The following ASIC2 variants were observed in gnomAD, a reference collection of about 807,000 sequenced individuals.
ASIC2 encodes acid sensing ion channel subunit 2.
ASIC2 carries 25 observed loss-of-function variants against 57.3 expected under a neutral mutation model. That is an observed-to-expected ratio of 0.44 (90% CI 0.32 to 0.61). ASIC2 has a LOEUF of 0.61. ASIC2 is among the 20% of genes least tolerant of loss of function. The pLI is 0.06. For missense variants in ASIC2, 641 were observed against 738.1 expected (o/e 0.87, Z 1.52); for synonymous variants, 319 against 307.5 (o/e 1.04, Z -0.39).
chr17:33,167,368 CA>C (rs1905343512), intron 1 of ASIC2, among the ~76,000 whole-genome samples: 1 of 152,212 alleles, frequency 6.6e-6, no homozygotes, highest in Non-Finnish European at 1.5e-5. Flanking sequence ...CCTGCCCCTA[CA>C]GTGACTTCCA....
At chr17:33,897,635 T>G (rs1915127612) in intron 1 of ASIC2, among the ~76,000 whole-genome samples, 1 of 152,252 alleles carries the variant, frequency 6.6e-6, no homozygotes, top group Non-Finnish European at 1.5e-5. Flanking sequence ...TGTACCCATG[T>G]GCTTCATTTC....
rs190287898 is a variant in ASIC2 at position 33,643,752 on chromosome 17, A to T, written c.555+512226T>A. On this transcript the variant is annotated intron_variant, in intron 1 of 9. Transcript: ENST00000359872. Reference sequence around the variant, plus strand: ...TAAAACACTGAACAGAGCTCCTGTCATTCAGAGCTGTTGTCAACAAGAGAG... The same window carrying T: ...TAAAACACTGAACAGAGCTCCTGTCTTTCAGAGCTGTTGTCAACAAGAGAG... 6.7e-4 allele frequency among the ~76,000 whole-genome samples: 102 copies of T among 152,348 alleles called. 1 individual carries two copies. The highest frequency in any genetic ancestry group is 1.2e-3 in the Non-Finnish European group (83 of 68,032).
chr17:33,298,188 C>T (rs1905800391), upstream of ASIC2, among the ~76,000 whole-genome samples: 1 of 151,942 alleles, frequency 6.6e-6, no homozygotes, highest in Non-Finnish European at 1.5e-5. Flanking sequence ...CATACGTATA[C>T]ATGTGCCATG....
At chr17:34,046,601 C>A (rs1308379029) in intron 1 of ASIC2, among the ~76,000 whole-genome samples, 1 of 152,162 alleles carries the variant, frequency 6.6e-6, no homozygotes, top group Non-Finnish European at 1.5e-5. Context: ...CAACTTATTT[C>A]CATGCTGCCC....
chr17:33,338,490 T>A (rs1336957416), intron 1 of ASIC2, among the ~76,000 whole-genome samples: 1 of 151,910 alleles, frequency 6.6e-6, no homozygotes, highest in Non-Finnish European at 1.5e-5. Context: ...GAGGAGAAGG[T>A]AATTCCAGGC....
rs116108071 is a variant in ASIC2 at position 33,139,768 on chromosome 17, C to T, written c.709-27701G>A. On this transcript the variant is annotated intron_variant, in intron 1 of 9. Coordinates refer to ENST00000225823, the MANE Select transcript of ASIC2 (RefSeq NM_183377.2). ...GCCTTGAAGAGTACCTGTATACTTCCCCTCCCTTCTTTCCCCGGAGAGACA... is the reference window on the plus strand; with the variant it reads ...GCCTTGAAGAGTACCTGTATACTTCTCCTCCCTTCTTTCCCCGGAGAGACA... Among the ~76,000 whole-genome samples the T allele has an allele frequency of 4.1e-3, 629 of 152,276 alleles. 2 individuals are homozygous for T. Among genetic ancestry groups the T allele is most frequent in the African/African-American group, 0.015 (614 of 41,548 alleles).
chr17:33,414,283 C>T (rs1910761996), intron 1 of ASIC2, among the ~76,000 whole-genome samples: 1 of 152,024 alleles, frequency 6.6e-6, no homozygotes, highest in East Asian at 1.9e-4. Flanking sequence ...GGCGAGGAGG[C>T]TGGAGGGAGC....
At chr17:33,180,875 G>A (rs1230591114) in intron 1 of ASIC2, among the ~76,000 whole-genome samples, 1 of 152,096 alleles carries the variant, frequency 6.6e-6, no homozygotes, top group Non-Finnish European at 1.5e-5. Context: ...GCCCTACCAA[G>A]CAAGTCTGGT....
At chr17:33,432,391 A>G (rs924311779) in intron 1 of ASIC2, among the ~76,000 whole-genome samples, 5 of 152,088 alleles carry the variant, frequency 3.3e-5, no homozygotes, top group East Asian at 1.9e-4. Flanking sequence ...TGGCATATAC[A>G]TGTAGTCCCA....
At position 33,870,982 on chromosome 17, in the gene ASIC2, AC is replaced by A. The variant is rs529596927; in HGVS notation, c.555+284995del. Among the ~76,000 whole-genome samples the A allele has an allele frequency of 3.0e-3, 454 of 151,870 alleles. 9 individuals carry two copies. The highest frequency in any genetic ancestry group is 0.01 in the African/African-American group (427 of 41,366). On this transcript the variant is annotated intron_variant, in intron 1 of 9. Coordinates refer to the ASIC2 transcript ENST00000359872. ...AATGCGCTTTGCTTGTGCCCACCCC[AC>A]CCCCTGAGATGCTGGCATGAAGCTG... is the stretch of plus-strand genomic sequence containing the variant.
intron 1 of ASIC2, among the ~76,000 whole-genome samples, chr17:33,418,020 A>ATG (rs1393294975): frequency 2.3e-4 from 27 of 117,642 alleles, no homozygotes; most frequent in South Asian, 8.7e-4. Context: ...GGCTCTCAGC[A>ATG]TGTATGTATG....
At chr17:34,148,068 A>G (rs781080612) in intron 1 of ASIC2, among the ~76,000 whole-genome samples, 1 of 152,206 alleles carries the variant, frequency 6.6e-6, no homozygotes, top group Non-Finnish European at 1.5e-5. Flanking sequence ...AGAGAGGAAA[A>G]GAGAACTACA....
intron 3 of ASIC2, among the ~76,000 whole-genome samples, chr17:33,054,825 G>A (rs1023462435): frequency 1.3e-5 from 2 of 152,206 alleles, no homozygotes; most frequent in African/African-American, 4.8e-5. Flanking sequence ...CACGGCATGG[G>A]AAGAAAAGCC....
chr17:33,245,412 C>T (rs1310512092), intron 1 of ASIC2, among the ~76,000 whole-genome samples: 3 of 152,150 alleles, frequency 2.0e-5, no homozygotes, highest in Non-Finnish European at 2.9e-5. Context: ...TTCATTCATT[C>T]AACAGCTGTT....
chr17:33,799,352 C>G (rs989076771), intron 1 of ASIC2, among the ~76,000 whole-genome samples: 4 of 136,060 alleles, frequency 2.9e-5, no homozygotes, highest in Non-Finnish European at 6.3e-5. Context: ...TCCTCTCTTT[C>G]TCTTTCTTTC....
rs368433942 is a variant in ASIC2 at position 33,243,982 on chromosome 17, T to C, written c.708+47426A>G. 6.6e-5 allele frequency among the ~76,000 whole-genome samples: 10 copies of C among 152,334 alleles called. No individual in the cohort carries two copies. The South Asian group carries it at 2.1e-3, about 32-fold the overall frequency. Reference sequence around the variant, plus strand: ...GCCTCTGTTTTCCCTTTTTCAATCCTGGGATGAATTCAATCTCCCAGAAAC... The same window carrying C: ...GCCTCTGTTTTCCCTTTTTCAATCCCGGGATGAATTCAATCTCCCAGAAAC... On this transcript the variant is annotated intron_variant, in intron 1 of 9. Transcript: ENST00000225823.
At chr17:33,727,590 C>T (rs1435207835) in intron 1 of ASIC2, among the ~76,000 whole-genome samples, 1 of 152,162 alleles carries the variant, frequency 6.6e-6, no homozygotes, top group African/African-American at 2.4e-5. Flanking sequence ...GCACCTTCCC[C>T]ATCTCTCTCT....
At chr17:34,100,172 CCT>C (rs1016328446) in intron 1 of ASIC2, among the ~76,000 whole-genome samples, 2 of 128,492 alleles carry the variant, frequency 1.6e-5, no homozygotes, top group Non-Finnish European at 3.2e-5. Context: ...TAACATTCTT[CCT>C]CTCTTTCTTG....
chr17:33,380,263 A>AG (rs1296512049), intron 1 of ASIC2, among the ~76,000 whole-genome samples: 8 of 148,404 alleles, frequency 5.4e-5, no homozygotes, highest in South Asian at 2.1e-4. Flanking sequence ...AAAAAAAAAA[A>AG]AAAAAGAAAG....
Sources: gnomAD v4.1 joint callset for allele counts (sites outside exome capture counted in the v4.1 genomes callset) on GRCh38, gnomAD v4.1.1 for gene constraint, MANE v1.5 for transcripts, NCBI Gene and HGNC (gene_info 2026-07-23, HGNC 2026-07-21) for gene names.